ALS2: variants seen among roughly 807,000 people sequenced by gnomAD.
The protein encoded by ALS2 is alsin.
ALS2 carries 117 observed loss-of-function variants against 203.4 expected under a neutral mutation model. The observed-to-expected ratio is 0.58, with a 90% CI of 0.50 to 0.67. The LOEUF is 0.67. Ranked by LOEUF, ALS2 falls within the 30% of genes least tolerant of loss-of-function variation. The pLI, the probability that ALS2 is intolerant of heterozygous loss-of-function variation, is 0.00. For missense variants in ALS2, 1,715 were observed against 1,989.4 expected, an observed-to-expected ratio of 0.86 and a Z score of 2.62; for synonymous variants, 718 against 725.9, an observed-to-expected ratio of 0.99 and a Z score of 0.17.
intron 13 of ALS2, 109 bp downstream of exon 13, chr2:201,733,167 G>T: frequency 8.6e-7 from 1 of 1,168,016 alleles, no homozygotes; most frequent in East Asian, 2.5e-5. Flanking sequence ...ATTAGACACA[G>T]GTAAATATTA....
chr2:201,749,906 A>G, intron 7 of ALS2, 117 bp from the exon 8 acceptor site: 1 of 794,026 alleles, frequency 1.3e-6, no homozygotes. Flanking sequence ...TACATTAAGT[A>G]CTTATATTAG....
intron 1 of ALS2, among the ~76,000 whole-genome samples, chr2:201,772,850 A>ATTTTTTTTGTT (rs1694464300): frequency 9.2e-6 from 1 of 108,846 alleles, no homozygotes; most frequent in Non-Finnish European, 1.7e-5. Context: ...TGCTTTCATG[A>ATTTTTTTTGTT]TTTTTTTTTT....
intron 7 of ALS2, among the ~76,000 whole-genome samples, chr2:201,752,566 C>T (rs999050072): frequency 1.3e-5 from 2 of 151,834 alleles, no homozygotes; most frequent in South Asian, 2.1e-4. Context: ...AAAAGGGCTT[C>T]GAATCCTTTA....
chr2:201,733,140 G>A (rs1691679213), intron 13 of ALS2, 136 bp downstream of exon 13: 1 of 999,944 alleles, frequency 1.0e-6, no homozygotes, highest in Non-Finnish European at 1.5e-6. Context: ...TCATTTCCCT[G>A]AAGAAAATTA....
intron 33 of ALS2, 65 bp downstream of exon 33, chr2:201,704,057 T>C: frequency 7.0e-7 from 1 of 1,433,520 alleles, no homozygotes; most frequent in Admixed American, 1.8e-5. Context: ...TTAATGGCAT[T>C]TATAATATGG....
At chr2:201,726,021 T>C (rs1230125309) in intron 19 of ALS2, among the ~76,000 whole-genome samples, 1 of 152,226 alleles carries the variant, frequency 6.6e-6, no homozygotes, top group African/African-American at 2.4e-5. Flanking sequence ...GATAAACTTA[T>C]TTTTAAAAAG....
At chr2:201,720,062 C>T (rs961844538) in intron 23 of ALS2, 10 of 386,496 alleles carry the variant, frequency 2.6e-5, no homozygotes, top group Admixed American at 1.2e-4. Context: ...ACCAAAGCTT[C>T]GCAAACTTTC....
At chr2:201,702,854 G>A (rs1229896347) in intron 33 of ALS2, among the ~76,000 whole-genome samples, 3 of 152,148 alleles carry the variant, frequency 2.0e-5, no homozygotes, top group Non-Finnish European at 2.9e-5. Context: ...AGTGGCTCAC[G>A]CCTGTAATCC....
chr2:201,722,126 A>C (rs1690842401), intron 23 of ALS2: 2 of 152,264 alleles, frequency 1.3e-5, no homozygotes, highest in Non-Finnish European at 1.5e-5. Flanking sequence ...TGTATCCAGA[A>C]TACAGAAAGA....
At chr2:201,747,333 C>T (rs1692729329) in intron 8 of ALS2, among the ~76,000 whole-genome samples, 1 of 152,174 alleles carries the variant, frequency 6.6e-6, no homozygotes, top group East Asian at 1.9e-4. Context: ...TCCCTTAGAC[C>T]AGTGGTTCTC....
intron 13 of ALS2, among the ~76,000 whole-genome samples, chr2:201,732,252 G>C (rs1321399107): frequency 6.6e-6 from 1 of 152,014 alleles, no homozygotes; most frequent in Non-Finnish European, 1.5e-5. Flanking sequence ...CAAAGATTAA[G>C]AGGATTCTAA....
chr2:201,734,754 T>C (rs1691776730), intron 12 of ALS2, among the ~76,000 whole-genome samples: 1 of 152,294 alleles, frequency 6.6e-6, no homozygotes, highest in East Asian at 1.9e-4. Flanking sequence ...CTCACTCATG[T>C]CCTTACCTAT....
At chr2:201,711,985 T>G (rs1574669135) in intron 25 of ALS2, among the ~76,000 whole-genome samples, 1 of 152,322 alleles carries the variant, frequency 6.6e-6, no homozygotes, top group East Asian at 1.9e-4. Context: ...TCATCAATTC[T>G]GGGAGTTTCC....
chr2:201,778,245 T>A (rs1279791311), intron 1 of ALS2, among the ~76,000 whole-genome samples: 1 of 152,126 alleles, frequency 6.6e-6, no homozygotes, highest in African/African-American at 2.4e-5. Flanking sequence ...CATGAGATGA[T>A]CAATTTGTGG....
At chr2:201,741,645 T>C (rs1389944531) in intron 11 of ALS2, 29 bp downstream of exon 11, 13 of 1,608,746 alleles carry the variant, frequency 8.1e-6, no homozygotes, top group East Asian at 6.7e-5. Context: ...CCTGCAGAGA[T>C]TGAACATGAC....
intron 12 of ALS2, among the ~76,000 whole-genome samples, chr2:201,735,186 G>C (rs189713530): frequency 6.6e-6 from 1 of 152,170 alleles, no homozygotes; most frequent in East Asian, 1.9e-4. Context: ...AAGTAGAATA[G>C]AGGTTACCAG....
At chr2:201,767,406 T>C (rs1260267135) in intron 2 of ALS2, 23 bp from the exon 3 acceptor site, 2 of 1,612,326 alleles carry the variant, frequency 1.2e-6, no homozygotes, top group Non-Finnish European at 1.7e-6. Flanking sequence ...GAAACATAGC[T>C]TAATTGTTTC....
chr2:201,732,970 A>G (rs1691666717), intron 13 of ALS2, among the ~76,000 whole-genome samples: 1 of 152,226 alleles, frequency 6.6e-6, no homozygotes, highest in African/African-American at 2.4e-5. Flanking sequence ...GTCAGCATGC[A>G]TCCAATAAAT....
At chr2:201,723,540 TTGG>T (rs1690954085) in intron 21 of ALS2, 99 bp from the exon 22 acceptor site, 1 of 1,000,600 alleles carries the variant, frequency 1.0e-6, no homozygotes, top group Non-Finnish European at 1.6e-6. Flanking sequence ...CAACCCTAGG[TTGG>T]TATTGCTTCC....
Sources: gnomAD v4.1 joint callset for allele counts (sites outside exome capture counted in the v4.1 genomes callset) on GRCh38, gnomAD v4.1.1 for gene constraint, MANE v1.5 for transcripts, NCBI Gene and HGNC (gene_info 2026-07-23, HGNC 2026-07-21) for gene names.